MICAL2: variants seen among roughly 807,000 people sequenced by gnomAD.
The protein encoded by MICAL2 is microtubule associated monooxygenase, calponin and LIM domain containing 2, also known as [F-actin]-monooxygenase MICAL2.
Under a neutral mutation model 127.3 loss-of-function variants are expected in MICAL2, and 77 were observed. The observed-to-expected ratio is 0.60, with a 90% CI of 0.50 to 0.73. The LOEUF is 0.73. MICAL2 is among the 30% of genes least tolerant of loss of function. MICAL2 has a pLI of 0.00. For synonymous variants in MICAL2, 570 were observed against 551.1 expected (o/e 1.03, Z -0.48); for missense variants, 1,351 against 1,434.4 (o/e 0.94, Z 0.94).
chr11:12,242,632 T>C (rs918117734), intron 19 of MICAL2, 39 bp from the exon 20 acceptor site: 3 of 1,577,712 alleles, frequency 1.9e-6, no homozygotes, highest in African/African-American at 2.7e-5. Context: ...TCTCTGTCAC[T>C]ATCTCTCTTT....
chr11:12,133,998 AGT>A (rs1199131218), intron 1 of MICAL2, among the ~76,000 whole-genome samples: 2 of 152,186 alleles, frequency 1.3e-5, no homozygotes, highest in African/African-American at 4.8e-5. Flanking sequence ...CTGAAATCAG[AGT>A]GTACTGAGGA....
intron 3 of MICAL2, chr11:12,197,825 A>G (rs1298581566): frequency 6.6e-6 from 1 of 152,380 alleles, no homozygotes; most frequent in South Asian, 2.1e-4. Context: ...GGAGGAGAGC[A>G]CTGGCTCAGG....
chr11:12,293,843 G>A (rs774632330), downstream of MICAL2: 38 of 1,607,082 alleles, frequency 2.4e-5, no homozygotes, highest in Admixed American at 1.7e-4. Context: ...CTGGGGGAAG[G>A]ACAGGAGCTG....
At chr11:12,156,252 T>A (rs1358260221) in intron 2 of MICAL2, among the ~76,000 whole-genome samples, 7 of 152,168 alleles carry the variant, frequency 4.6e-5, no homozygotes. Context: ...TTCATTGGCC[T>A]TTCGTAGTAG....
At chr11:12,270,570 G>A (rs1304030333) in intron 24 of MICAL2, among the ~76,000 whole-genome samples, 1 of 152,174 alleles carries the variant, frequency 6.6e-6, no homozygotes, top group Non-Finnish European at 1.5e-5. Flanking sequence ...CTTCATCCCT[G>A]TTTGGCTTTT....
At chr11:12,128,600 G>C (rs781099721) in intron 1 of MICAL2, among the ~76,000 whole-genome samples, 2 of 152,238 alleles carry the variant, frequency 1.3e-5, no homozygotes, top group Non-Finnish European at 2.9e-5. Context: ...GGACAGATCG[G>C]GGCAGTGTGA....
chr11:12,159,584 G>T (rs1374736002), intron 2 of MICAL2, among the ~76,000 whole-genome samples: 1 of 152,216 alleles, frequency 6.6e-6, no homozygotes, highest in African/African-American at 2.4e-5. Context: ...TAGCTCTGAA[G>T]CCTTACAGTT....
chr11:12,212,478 A>C (rs535718471), intron 6 of MICAL2, among the ~76,000 whole-genome samples: 1 of 152,264 alleles, frequency 6.6e-6, no homozygotes, highest in East Asian at 1.9e-4. Context: ...CCCTGTCTGA[A>C]AAACAAAACA....
upstream of MICAL2, among the ~76,000 whole-genome samples, chr11:12,275,831 G>A (rs369813941): frequency 4.6e-5 from 7 of 152,344 alleles, no homozygotes; most frequent in East Asian, 1.4e-3. Context: ...GGCAGGCTCG[G>A]GGGTGAGGGT....
chr11:12,318,113 G>C (rs138188962), intron 29 of MICAL2, among the ~76,000 whole-genome samples: 2 of 152,260 alleles, frequency 1.3e-5, no homozygotes, highest in Non-Finnish European at 2.9e-5. Context: ...CCAACAATAA[G>C]AACATTTACT....
At chr11:12,331,948 A>G (rs895929376) in intron 32 of MICAL2, among the ~76,000 whole-genome samples, 3 of 152,188 alleles carry the variant, frequency 2.0e-5, no homozygotes, top group Non-Finnish European at 4.4e-5. Flanking sequence ...ATTTGTAACT[A>G]TACTCCCTAC....
At chr11:12,186,101 T>TA (rs1444063285) in intron 3 of MICAL2, among the ~76,000 whole-genome samples, 1 of 152,192 alleles carries the variant, frequency 6.6e-6, no homozygotes, top group East Asian at 1.9e-4. Context: ...GGTCTTCCGT[T>TA]ACAGGATTAA....
intron 4 of MICAL2, 65 bp downstream of exon 4, chr11:12,204,522 T>G: frequency 6.6e-7 from 1 of 1,521,144 alleles, no homozygotes; most frequent in Non-Finnish European, 9.1e-7. Context: ...GACATATCTC[T>G]CCAGGTCTAG....
upstream of MICAL2, among the ~76,000 whole-genome samples, chr11:12,272,170 T>G (rs1183392771): frequency 6.6e-6 from 1 of 152,184 alleles, no homozygotes; most frequent in Admixed American, 6.5e-5. Context: ...GTGGGGGCTG[T>G]GGGTCTGGTA....
At chr11:12,114,613 C>T (rs1849852459) in intron 1 of MICAL2, among the ~76,000 whole-genome samples, 1 of 152,196 alleles carries the variant, frequency 6.6e-6, no homozygotes, top group Non-Finnish European at 1.5e-5. Context: ...GTGTCTGGGA[C>T]ACGCAGAGGC....
At chr11:12,353,745 A>G (rs80268125) in intron 33 of MICAL2, among the ~76,000 whole-genome samples, 9,346 of 152,194 alleles carry the variant, frequency 0.061, 533 homozygotes, top group African/African-American at 0.13. Context: ...CTGAGCCCCC[A>G]GCACTCAAGC....
chr11:12,144,436 A>G (rs1269420036), intron 2 of MICAL2, among the ~76,000 whole-genome samples: 1 of 152,126 alleles, frequency 6.6e-6, no homozygotes, highest in Non-Finnish European at 1.5e-5. Context: ...GGTGAGGGAC[A>G]TTTTGACCCC....
chr11:12,242,744 C>T lies in MICAL2; in HGVS notation c.2630C>T (p.Ser877Phe), dbSNP rs1460626895. Residue 877 changes from serine to phenylalanine, a missense_variant, in exon 20 of 28, where the codon TCC (serine) becomes TTC (phenylalanine). Physicochemically the swap from Ser to Phe is radical, Grantham distance 155. This residue lies in a region of MICAL2 where 752 missense variants were observed against 719.4 expected (regional missense o/e 1.05). Transcript: ENST00000683283. The stretch of plus-strand genomic sequence containing the variant: ...AAGGAGAAGGCGGCTCACCTTGCCT[C>T]CATGTTTGGACACGGGGATTTCCCG... The part of the protein sequence containing the change: ...NIKEKAAHLA[S>F]MFGHGDFPQN... The T allele has an allele frequency of 5.0e-6, 8 of 1,610,810 alleles. No homozygotes were observed. The highest frequency in any genetic ancestry group is 2.2e-5 in the South Asian group (2 of 90,508).
rs559528778 is a variant in MICAL2 at position 12,129,636 on chromosome 11, C to CTTTTTT, written c.-148-8740_-148-8735dup. Among the ~76,000 whole-genome samples the CTTTTTT allele has an allele frequency of 2.7e-3, 266 of 97,132 alleles. 1 individual carries two copies. Among genetic ancestry groups the CTTTTTT allele is most frequent in the African/African-American group, 3.9e-3 (85 of 21,678 alleles). The allele number at this position is 97,132 out of a possible 152,430, so 63.7% of individuals were successfully genotyped here. ...TTCTACTCTGTTTCTTCTTCTTCTT[C>CTTTTTT]TTTTTTTTTTTTTTTTTTTGGTGGT... On this transcript the variant is annotated intron_variant, in intron 1 of 27. Transcript: ENST00000683283.
Sources: allele counts gnomAD v4.1 joint callset (sites outside exome capture counted in the v4.1 genomes callset), GRCh38; gene constraint gnomAD v4.1.1; regional missense constraint gnomAD v4.1.1; transcripts MANE v1.5; gene names NCBI Gene and HGNC (gene_info 2026-07-23, HGNC 2026-07-21).